The following BFSP2 variants were observed in gnomAD, a reference collection of about 807,000 sequenced individuals.
The protein encoded by BFSP2 is beaded filament structural protein 2, also known as phakinin.
Under a neutral mutation model 44.9 loss-of-function variants are expected in BFSP2, and 38 were observed. That is an observed-to-expected ratio of 0.85 (90% CI 0.65 to 1.11). BFSP2 has a LOEUF of 1.11. Among genes scored for constraint, BFSP2 ranks in the 50% least tolerant of loss-of-function variants. BFSP2 has a pLI of 0.00. For missense variants in BFSP2, 525 were observed against 533.0 expected (o/e 0.99, Z 0.15); for synonymous variants, 197 against 209.9 (o/e 0.94, Z 0.53).
chr3:133,413,065 G>A (rs1274799113), intron 1 of BFSP2, among the ~76,000 whole-genome samples: 1 of 152,186 alleles, frequency 6.6e-6, no homozygotes, highest in Non-Finnish European at 1.5e-5. Flanking sequence ...TAGGGGCTGC[G>A]GACAGTGGAG....
Position 133,466,936 on chromosome 3 carries a change from G to C in BFSP2, c.1000G>C (p.Glu334Gln), listed in dbSNP as rs2074116339. Residue 334 changes from glutamate to glutamine, a missense_variant, in exon 5 of 7, where the codon GAG becomes CAG. By Grantham distance (29) the Glu-to-Gln change is conservative. Transcript: ENST00000302334. ...GTGCCAAGTCCAGAGCCTCCAGGCT[G>C]AGACAGAATCCTTACGTGCCCTGGT... ...TSCQVQSLQA[E>Q]TESLRALKRG... is the part of the protein sequence containing the mutation. 6.2e-7 allele frequency: 1 copy of C among 1,613,992 alleles called. No homozygotes were observed. The highest frequency in any genetic ancestry group is 2.2e-5 in the East Asian group (1 of 44,880).
chr3:133,431,845 CT>C (rs1185902079), intron 1 of BFSP2, among the ~76,000 whole-genome samples: 44 of 152,200 alleles, frequency 2.9e-4, no homozygotes, highest in Admixed American at 5.2e-4. Flanking sequence ...TTAAGCACTC[CT>C]TTTTAGTTAT....
chr3:133,437,119 C>A (rs185097453), intron 1 of BFSP2, among the ~76,000 whole-genome samples: 71 of 152,172 alleles, frequency 4.7e-4, no homozygotes, highest in Middle Eastern at 3.4e-3. Flanking sequence ...GGGTATATAT[C>A]CAGTAATGGG....
chr3:133,447,984 C>G (rs2073919320), intron 2 of BFSP2, among the ~76,000 whole-genome samples: 1 of 152,234 alleles, frequency 6.6e-6, no homozygotes, highest in Non-Finnish European at 1.5e-5. Flanking sequence ...GAGAACCGTG[C>G]TCAGCTACAC....
At chr3:133,401,025 G>T (rs1305279622) in intron 1 of BFSP2, among the ~76,000 whole-genome samples, 2 of 152,190 alleles carry the variant, frequency 1.3e-5, no homozygotes, top group Non-Finnish European at 2.9e-5. Context: ...AATACCATTG[G>T]ATGGATGAGG....
Position 133,400,113 on chromosome 3 carries a change from G to T in BFSP2, c.30G>T (p.Leu10Phe). The stretch of plus-strand genomic sequence containing the variant: ...GTGAGAGGCGAGTGGTAGTGGACTT[G>T]CCCACCAGTGCCAGCTCCAGCATGC... MSERRVVVD[L>F]PTSASSSMPL... Residue 10 changes from leucine (L) to phenylalanine (F), a missense_variant, in exon 1 of 7, where the codon TTG (leucine) becomes TTT (phenylalanine). Coordinates refer to ENST00000302334, the MANE Select transcript of BFSP2 (RefSeq NM_003571.4). The surrounding 1 kb of genome is among the most constrained non-coding windows in gnomAD (Gnocchi z 4.0). The T allele has an allele frequency of 6.2e-7, 1 of 1,614,170 alleles. No individual in the cohort carries two copies. The highest frequency in any genetic ancestry group is 1.1e-5 in the South Asian group (1 of 91,088).
intron 1 of BFSP2, among the ~76,000 whole-genome samples, chr3:133,416,829 C>T (rs138913240): frequency 5.7e-4 from 76 of 132,186 alleles, no homozygotes; most frequent in African/African-American, 1.3e-3. Context: ...GTCCTCTCCC[C>T]TCTACTCAGC....
At chr3:133,403,423 T>G (rs1179431947) in intron 1 of BFSP2, among the ~76,000 whole-genome samples, 1 of 152,002 alleles carries the variant, frequency 6.6e-6, no homozygotes, top group Admixed American at 6.6e-5. Context: ...CCTCTGTGAC[T>G]CCTCAGGGCC....
chr3:133,425,911 G>GGGGGCA (rs2073645328), intron 1 of BFSP2, among the ~76,000 whole-genome samples: 1 of 69,870 alleles, frequency 1.4e-5, no homozygotes, highest in Non-Finnish European at 2.7e-5. Context: ...TAAGAGAAAG[G>GGGGGCA]AGGGCAAGGG....
chr3:133,441,530 A>G (rs939329139), intron 1 of BFSP2, among the ~76,000 whole-genome samples: 31 of 152,154 alleles, frequency 2.0e-4, no homozygotes, highest in African/African-American at 7.0e-4. Context: ...GACTTGGGGG[A>G]TGAGGAAGAG....
intron 4 of BFSP2, among the ~76,000 whole-genome samples, chr3:133,463,438 G>C (rs1312212552): frequency 6.6e-6 from 1 of 152,222 alleles, no homozygotes; most frequent in East Asian, 1.9e-4. Flanking sequence ...TTATACGTTG[G>C]CATGCTTCTG....
Position 133,453,103 on chromosome 3 carries a change from G to A in BFSP2, c.891+2639G>A, listed in dbSNP as rs147121336. On this transcript the variant is annotated intron_variant, in intron 4 of 6. Transcript: ENST00000302334. Reference sequence around the variant, plus strand: ...TGCCTGGGCCTCTTGCAGAAAGGCAGAGCTCAGAAAATATTTGCAGAATGA... The same window carrying A: ...TGCCTGGGCCTCTTGCAGAAAGGCAAAGCTCAGAAAATATTTGCAGAATGA... Among the ~76,000 whole-genome samples the A allele has an allele frequency of 2.3e-3, 347 of 152,332 alleles. 1 individual carries two copies. The highest frequency in any genetic ancestry group is 3.2e-3 in the Admixed American group (49 of 15,308).
At chr3:133,409,311 T>C (rs2073429529) in intron 1 of BFSP2, among the ~76,000 whole-genome samples, 2 of 151,898 alleles carry the variant, frequency 1.3e-5, no homozygotes, top group African/African-American at 4.8e-5. Flanking sequence ...AAACTGAGAC[T>C]TGAATGTGAG....
chr3:133,472,556 A>G lies in BFSP2; in HGVS notation c.1235A>G (p.Glu412Gly). 1 of 1,611,998 alleles carries G rather than the reference A, an allele frequency of 6.2e-7. No individual in the cohort carries two copies. The highest frequency in any genetic ancestry group is 8.5e-7 in the Non-Finnish European group (1 of 1,179,880). Residue 412 changes from glutamate (E) to glycine (G), a missense_variant, in exon 6 of 7, where the codon GAG (glutamate) becomes GGG (glycine). Physicochemically the swap from Glu to Gly is moderately conservative, Grantham distance 98 (BLOSUM62 -2). Transcript: ENST00000302334. ...VASYHALLDR[E>G]ESG ...TCCTACCACGCCCTGCTGGACAGGG[A>G]GGAGAGCGGGTAAGCCTCGCTTCCG...
chr3:133,446,024 G>A (rs1170591974), intron 1 of BFSP2, among the ~76,000 whole-genome samples: 1 of 152,166 alleles, frequency 6.6e-6, no homozygotes, highest in African/African-American at 2.4e-5. Flanking sequence ...GTGAGAGACA[G>A]GAGTGATTAA....
Position 133,400,150 on chromosome 3 carries a change from C to T in BFSP2, c.67C>T (p.Arg23Cys), listed in dbSNP as rs200874347. 100 of 1,614,058 alleles carry T rather than the reference C, an allele frequency of 6.2e-5. No individual in the cohort carries two copies. Among genetic ancestry groups the T allele is most frequent in the African/African-American group, 1.9e-4 (14 of 74,938 alleles). ...SASSSMPLQR[R>C]RASFRGPRSS... The stretch of plus-strand genomic sequence containing the variant: ...CAGCTCCAGCATGCCCCTCCAGAGG[C>T]GCAGGGCGTCCTTCAGGGGGCCACG... The change falls in exon 1 of 7, where the codon CGC (arginine) becomes TGC (cysteine). Residue 23 changes from arginine (R) to cysteine (C), a missense_variant. Coordinates refer to ENST00000302334, the MANE Select transcript of BFSP2 (RefSeq NM_003571.4). This position sits in a 1 kb window ranked among gnomAD's most constrained non-coding sequence, Gnocchi z 4.0.
At chr3:133,412,791 G>C (rs1018065959) in intron 1 of BFSP2, among the ~76,000 whole-genome samples, 3 of 152,218 alleles carry the variant, frequency 2.0e-5, no homozygotes, top group Non-Finnish European at 4.4e-5. Context: ...TGTGGAACCA[G>C]ACAGGCTCCA....
chr3:133,416,809 ATT>A (rs2073537079), intron 1 of BFSP2, among the ~76,000 whole-genome samples: 1 of 112,702 alleles, frequency 8.9e-6, no homozygotes, highest in Non-Finnish European at 1.8e-5. Context: ...TCTCCCTTCT[ATT>A]CACCCCTGTC....
intron 1 of BFSP2, among the ~76,000 whole-genome samples, chr3:133,441,424 G>A (rs1337940374): frequency 6.6e-6 from 1 of 152,180 alleles, no homozygotes; most frequent in East Asian, 1.9e-4. Context: ...CAACTATCAG[G>A]TTAAACCAGA....
Sources: gnomAD v4.1 joint callset for allele counts (sites outside exome capture counted in the v4.1 genomes callset) on GRCh38, gnomAD v4.1.1 for gene constraint, Gnocchi (gnomAD v3.1) non-coding constraint, MANE v1.5 for transcripts, NCBI Gene and HGNC (gene_info 2026-07-23, HGNC 2026-07-21) for gene names.